NEGR1: variants seen among roughly 807,000 people sequenced by gnomAD.
NEGR1 encodes IgLON family member 4.
In NEGR1, 10 loss-of-function variants were observed where a neutral mutation model predicts 40.9. That is an observed-to-expected ratio of 0.24 (90% CI 0.15 to 0.42). The LOEUF is 0.42. NEGR1 is among the 10% of genes least tolerant of loss of function. The pLI, the probability that NEGR1 is intolerant of heterozygous loss-of-function variation, is 1.00. For synonymous variants in NEGR1, 185 were observed against 166.8 expected, an observed-to-expected ratio of 1.11 and a Z score of -0.84; for missense variants, 352 against 438.9, an observed-to-expected ratio of 0.80 and a Z score of 1.77.
chr1:72,004,310 T>A (rs1570599053), intron 1 of NEGR1, among the ~76,000 whole-genome samples: 1 of 152,104 alleles, frequency 6.6e-6, no homozygotes, highest in African/African-American at 2.4e-5. Context: ...ATAAAATAAT[T>A]TTGTTTGTTT....
intron 1 of NEGR1, among the ~76,000 whole-genome samples, chr1:72,184,590 A>T (rs1442321188): frequency 6.6e-6 from 1 of 152,030 alleles, no homozygotes; most frequent in African/African-American, 2.4e-5. Context: ...ATGACAGAAG[A>T]AGATGATTAG....
intron 5 of NEGR1, among the ~76,000 whole-genome samples, chr1:71,603,524 T>A (rs1649989551): frequency 6.6e-6 from 1 of 152,206 alleles, no homozygotes; most frequent in Non-Finnish European, 1.5e-5. Flanking sequence ...ATACAAGGAA[T>A]GAGTAAGATA....
chr1:71,409,725 A>C (rs1161132723), intron 6 of NEGR1, among the ~76,000 whole-genome samples: 3 of 152,068 alleles, frequency 2.0e-5, no homozygotes, highest in Non-Finnish European at 4.4e-5. Flanking sequence ...CCAGACATAA[A>C]ATCTGGCAAA....
At position 72,218,599 on chromosome 1, in the gene NEGR1, T is replaced by G. The variant is rs1427504444; in HGVS notation, c.176+63720A>C. ...ATAGAATCAATGAATATATGTTTCT[T>G]GAGTTATAGGGAGTTGTTTTTTTTT... On this transcript the variant is annotated intron_variant, in intron 1 of 6. Transcript: ENST00000357731. Among the ~76,000 whole-genome samples, 6 of 151,976 alleles carry G rather than the reference T, an allele frequency of 3.9e-5. 1 individual carries two copies. The South Asian group carries it at 8.3e-4, about 21-fold the overall frequency.
intron 1 of NEGR1, among the ~76,000 whole-genome samples, chr1:72,218,152 C>A (rs1439616011): frequency 6.6e-6 from 1 of 151,458 alleles, no homozygotes; most frequent in African/African-American, 2.4e-5. Flanking sequence ...CCTGTTTTTA[C>A]TAAAACTACT....
intron 5 of NEGR1, among the ~76,000 whole-genome samples, chr1:71,600,343 C>T (rs1179381785): frequency 6.6e-6 from 1 of 152,086 alleles, no homozygotes; most frequent in Non-Finnish European, 1.5e-5. Flanking sequence ...TAGAGCTTAG[C>T]AGGAGAGATG....
At chr1:71,983,004 C>T (rs1229826365) in intron 1 of NEGR1, among the ~76,000 whole-genome samples, 1 of 151,866 alleles carries the variant, frequency 6.6e-6, no homozygotes, top group Non-Finnish European at 1.5e-5. Flanking sequence ...CTTATGAATC[C>T]TATACATAAA....
chr1:71,578,591 G>A (rs1247671655), intron 6 of NEGR1, among the ~76,000 whole-genome samples: 1 of 152,032 alleles, frequency 6.6e-6, no homozygotes, highest in African/African-American at 2.4e-5. Flanking sequence ...CTATTTAACG[G>A]TATTACTTTA....
intron 1 of NEGR1, among the ~76,000 whole-genome samples, chr1:72,038,205 T>C (rs1043929278): frequency 5.9e-5 from 9 of 152,094 alleles, no homozygotes; most frequent in African/African-American, 1.9e-4. Flanking sequence ...TGCTTTTGAA[T>C]GTTCTGCAGT....
chr1:72,104,096 T>C (rs889107252), intron 1 of NEGR1, among the ~76,000 whole-genome samples: 3 of 151,890 alleles, frequency 2.0e-5, no homozygotes, highest in East Asian at 3.9e-4. Context: ...TTTTTTTCCA[T>C]GGAGAACATA....
intron 3 of NEGR1, among the ~76,000 whole-genome samples, chr1:71,759,799 G>A (rs1009164016): frequency 1.3e-5 from 2 of 150,966 alleles, no homozygotes; most frequent in African/African-American, 4.9e-5. Flanking sequence ...TAGTAGAGAC[G>A]GGGTTTCGGC....
At chr1:71,584,932 C>G (rs919879890) in intron 6 of NEGR1, among the ~76,000 whole-genome samples, 6 of 152,100 alleles carry the variant, frequency 3.9e-5, no homozygotes, top group African/African-American at 1.4e-4. Flanking sequence ...AAATAGCAAG[C>G]AAGAATGTCT....
chr1:71,763,223 T>C (rs10789326), intron 3 of NEGR1, among the ~76,000 whole-genome samples: 63,700 of 151,964 alleles, frequency 0.42, 13,498 homozygotes, highest in East Asian at 0.64. Flanking sequence ...TGATGTCATA[T>C]ATGTTATACA....
intron 2 of NEGR1, among the ~76,000 whole-genome samples, chr1:71,826,734 GT>G (rs1327463074): frequency 6.6e-6 from 1 of 151,840 alleles, no homozygotes; most frequent in Non-Finnish European, 1.5e-5. Flanking sequence ...GAAAAAAATT[GT>G]TTTTGAATTG....
intron 1 of NEGR1, among the ~76,000 whole-genome samples, chr1:72,027,082 C>T (rs910358595): frequency 1.3e-5 from 2 of 152,080 alleles, no homozygotes; most frequent in African/African-American, 2.4e-5. Flanking sequence ...CCGGTCACCA[C>T]GCCTGGCCAA....
intron 1 of NEGR1, among the ~76,000 whole-genome samples, chr1:71,968,487 A>C (rs1318844877): frequency 6.6e-6 from 1 of 152,222 alleles, no homozygotes; most frequent in Non-Finnish European, 1.5e-5. Context: ...ATCCGTGAAC[A>C]AAACACATAA....
intron 1 of NEGR1, among the ~76,000 whole-genome samples, chr1:72,111,684 G>T (rs1357345422): frequency 3.3e-5 from 5 of 151,636 alleles, no homozygotes; most frequent in African/African-American, 1.2e-4. Context: ...TTTTCGAAAT[G>T]AGAATTTTGA....
chr1:72,102,898 C>T (rs1055468903), intron 1 of NEGR1, among the ~76,000 whole-genome samples: 4 of 152,010 alleles, frequency 2.6e-5, no homozygotes, highest in South Asian at 2.1e-4. Context: ...GCACATGAAA[C>T]GATTTTTAAA....
chr1:72,103,845 A>C (rs1360230475), intron 1 of NEGR1, among the ~76,000 whole-genome samples: 1 of 152,136 alleles, frequency 6.6e-6, no homozygotes, highest in African/African-American at 2.4e-5. Context: ...GACGTATTTT[A>C]ATGATCGTTC....
Sources: gnomAD v4.1 joint callset for allele counts (sites outside exome capture counted in the v4.1 genomes callset) on GRCh38, gnomAD v4.1.1 for gene constraint, MANE v1.5 for transcripts, NCBI Gene and HGNC (gene_info 2026-07-23, HGNC 2026-07-21) for gene names.